RBFOX1: variants seen among roughly 807,000 people sequenced by gnomAD.
RBFOX1 encodes RNA binding protein fox-1 homolog 1.
Under a neutral mutation model 57.7 loss-of-function variants are expected in RBFOX1, and 8 were observed. The ratio of observed to expected loss-of-function variants is 0.14; its 90% CI spans 0.08 to 0.25. The LOEUF (loss-of-function observed/expected upper bound fraction) is 0.25. Ranked by LOEUF, RBFOX1 falls within the 10% of genes least tolerant of loss-of-function variation. The pLI, the probability that RBFOX1 is intolerant of heterozygous loss-of-function variation, is 1.00. For synonymous variants in RBFOX1, 326 were observed against 222.4 expected (o/e 1.47, Z -4.15); for missense variants, 611 against 548.5 (o/e 1.11, Z -1.14).
At chr16:7,274,782 T>A (rs1882272018) in intron 4 of RBFOX1, among the ~76,000 whole-genome samples, 1 of 152,084 alleles carries the variant, frequency 6.6e-6, no homozygotes, top group Non-Finnish European at 1.5e-5. Flanking sequence ...CCTTCCAGGT[T>A]CCAGTGATTC....
intron 2 of RBFOX1, among the ~76,000 whole-genome samples, chr16:6,561,961 C>A (rs971131669): frequency 1.3e-5 from 2 of 152,182 alleles, no homozygotes; most frequent in Admixed American, 6.5e-5. Context: ...ACATTCACAT[C>A]ATCCACCTAG....
chr16:6,243,220 A>G (rs904647575), intron 1 of RBFOX1, among the ~76,000 whole-genome samples: 4 of 151,942 alleles, frequency 2.6e-5, no homozygotes, highest in African/African-American at 9.7e-5. Flanking sequence ...ACATTAGGTG[A>G]GTTAGAAGTG....
chr16:6,275,480 T>C (rs1024465257), intron 1 of RBFOX1, among the ~76,000 whole-genome samples: 1 of 152,188 alleles, frequency 6.6e-6, no homozygotes. Flanking sequence ...CCCCGTGGAA[T>C]AGTAATTATT....
At chr16:7,132,630 A>C in intron 4 of RBFOX1, among the ~76,000 whole-genome samples, 1 of 152,028 alleles carries the variant, frequency 6.6e-6, no homozygotes, top group East Asian at 1.9e-4. Flanking sequence ...ACACACACAC[A>C]ATGGAATAGT....
At chr16:5,649,071 A>C (rs575509188) in intron 3 of RBFOX1, among the ~76,000 whole-genome samples, 1 of 152,154 alleles carries the variant, frequency 6.6e-6, no homozygotes, top group East Asian at 1.9e-4. Context: ...ATCAAAAAAA[A>C]ATATATATCA....
At chr16:6,444,863 G>A (rs1200278749) in intron 2 of RBFOX1, among the ~76,000 whole-genome samples, 1 of 152,084 alleles carries the variant, frequency 6.6e-6, no homozygotes, top group Non-Finnish European at 1.5e-5. Context: ...GTGAGAACAG[G>A]GAGTCACACA....
At chr16:7,184,164 A>G (rs927108376) in intron 4 of RBFOX1, among the ~76,000 whole-genome samples, 8 of 152,212 alleles carry the variant, frequency 5.3e-5, no homozygotes, top group Admixed American at 3.9e-4. Context: ...TAAAAAGAGT[A>G]GCACAGGGCT....
chr16:7,467,068 A>T (rs1001998254), intron 4 of RBFOX1, among the ~76,000 whole-genome samples: 2 of 152,242 alleles, frequency 1.3e-5, no homozygotes, highest in Admixed American at 6.5e-5. Flanking sequence ...CAAACACTGC[A>T]TATAAATATG....
At chr16:7,215,554 A>T (rs1400466911) in intron 4 of RBFOX1, among the ~76,000 whole-genome samples, 3 of 152,116 alleles carry the variant, frequency 2.0e-5, no homozygotes. Context: ...GTACAGTTCA[A>T]TGTTTTGTAA....
intron 4 of RBFOX1, among the ~76,000 whole-genome samples, chr16:7,246,776 A>G (rs1245946015): frequency 6.6e-6 from 1 of 151,802 alleles, no homozygotes; most frequent in Non-Finnish European, 1.5e-5. Flanking sequence ...TAGCACATCC[A>G]GAGGCTTATT....
chr16:5,979,483 A>G (rs1041387630), intron 4 of RBFOX1, among the ~76,000 whole-genome samples: 15 of 152,334 alleles, frequency 9.8e-5, no homozygotes, highest in African/African-American at 3.6e-4. Context: ...TTCACTGAGC[A>G]TTTACTATGT....
At chr16:5,240,945 G>C (rs2062151706) in intron 1 of RBFOX1, among the ~76,000 whole-genome samples, 1 of 152,236 alleles carries the variant, frequency 6.6e-6, no homozygotes, top group African/African-American at 2.4e-5. Flanking sequence ...GTACCCCTCA[G>C]TGAGGGCCGC....
chr16:7,699,583 C>T lies in RBFOX1; in HGVS notation c.996-9473C>T, dbSNP rs191140132. Among the ~76,000 whole-genome samples the T allele has an allele frequency of 2.7e-3, 413 of 152,198 alleles. 2 individuals carry two copies. Among genetic ancestry groups the T allele is most frequent in the African/African-American group, 9.5e-3 (394 of 41,530 alleles). ...GGCTGTGGAGCCCTTGAGATGTGGC[C>T]AGTCCACACCAGGATGAGTTGTAAG... is the stretch of plus-strand genomic sequence containing the variant. On this transcript the variant is annotated intron_variant, in intron 14 of 15. Coordinates refer to ENST00000550418, the MANE Select transcript of RBFOX1 (RefSeq NM_018723.4).
chr16:7,207,237 G>C (rs1673236899), intron 4 of RBFOX1, among the ~76,000 whole-genome samples: 1 of 152,058 alleles, frequency 6.6e-6, no homozygotes, highest in African/African-American at 2.4e-5. Flanking sequence ...TGGCATCATT[G>C]GCCGGGCGTT....
intron 3 of RBFOX1, among the ~76,000 whole-genome samples, chr16:6,661,860 C>G (rs1450307104): frequency 1.3e-5 from 2 of 152,156 alleles, no homozygotes; most frequent in Middle Eastern, 3.2e-3. Context: ...TTTGAAGGAC[C>G]TCTATACTGT....
At chr16:6,981,621 G>A (rs933162370) in intron 3 of RBFOX1, among the ~76,000 whole-genome samples, 2 of 152,304 alleles carry the variant, frequency 1.3e-5, no homozygotes, top group East Asian at 3.9e-4. Context: ...GGCAAAGGAG[G>A]AGAGAAGTCA....
chr16:5,559,920 C>G (rs78288994), intron 2 of RBFOX1, among the ~76,000 whole-genome samples: 5,066 of 152,270 alleles, frequency 0.033, 129 homozygotes, highest in African/African-American at 0.066. Context: ...CTTCCTCACC[C>G]TCCACTTTGG....
intron 3 of RBFOX1, among the ~76,000 whole-genome samples, chr16:5,778,062 C>T (rs894303272): frequency 2.6e-5 from 4 of 152,186 alleles, no homozygotes; most frequent in Non-Finnish European, 5.9e-5. Flanking sequence ...TGGAACCAGG[C>T]ACTTACCTGC....
intron 1 of RBFOX1, among the ~76,000 whole-genome samples, chr16:6,163,213 G>A (rs73529993): frequency 0.047 from 7,085 of 152,202 alleles, 257 homozygotes; most frequent in African/African-American, 0.099. Flanking sequence ...CTGGGATAAG[G>A]CCAAGGGGAC....
Sources: allele counts gnomAD v4.1 joint callset (sites outside exome capture counted in the v4.1 genomes callset), GRCh38; gene constraint gnomAD v4.1.1; transcripts MANE v1.5; gene names NCBI Gene and HGNC (gene_info 2026-07-23, HGNC 2026-07-21).